PC: variants seen among roughly 807,000 people sequenced by gnomAD.
The protein encoded by PC is pyruvate carboxylase, mitochondrial.
Under a neutral mutation model 107.8 loss-of-function variants are expected in PC, and 46 were observed. The ratio of observed to expected loss-of-function variants is 0.43; its 90% CI spans 0.34 to 0.55. PC has a LOEUF of 0.55. PC is among the 20% of genes least tolerant of loss of function. The pLI is 0.04. For missense variants in PC, 1,241 were observed against 1,643.1 expected (o/e 0.76, Z 4.23); for synonymous variants, 662 against 684.7 (o/e 0.97, Z 0.52).
At chr11:66,897,000 C>T (rs1170569456) in intron 3 of PC, among the ~76,000 whole-genome samples, 1 of 152,074 alleles carries the variant, frequency 6.6e-6, no homozygotes, top group Non-Finnish European at 1.5e-5. Flanking sequence ...GGTGCAATCT[C>T]GGCTCACTGC....
At chr11:66,908,251 AAAG>A (rs1313013909) in intron 3 of PC, among the ~76,000 whole-genome samples, 2 of 152,206 alleles carry the variant, frequency 1.3e-5, no homozygotes, top group South Asian at 4.2e-4. Flanking sequence ...GGAGAAGAAA[AAAG>A]AAGGAGTCTA....
chr11:66,858,491 G>C lies in PC; in HGVS notation c.1369-5108C>G. The C allele has an allele frequency of 6.5e-7, 1 of 1,538,594 alleles. No individual in the cohort carries two copies. Among genetic ancestry groups the C allele is most frequent in the South Asian group, 1.2e-5 (1 of 84,312 alleles). On this transcript the variant is annotated intron_variant, in intron 12 of 22. Transcript: ENST00000393960. The surrounding 1 kb of genome is among the most constrained non-coding windows in gnomAD (Gnocchi z 5.9). ...AGCTGCTGTGGCTGCGGCGGCTGGC[G>C]CGGCCGGACGACCTGGAAACGTGCG...
chr11:66,937,970 G>A (rs1220933962), intron 3 of PC, among the ~76,000 whole-genome samples: 5 of 152,114 alleles, frequency 3.3e-5, no homozygotes, highest in African/African-American at 1.2e-4. Flanking sequence ...TAGAGACGGG[G>A]TTTCACTGTG....
intron 3 of PC, among the ~76,000 whole-genome samples, chr11:66,931,397 A>G (rs1240205159): frequency 6.6e-6 from 1 of 151,590 alleles, no homozygotes; most frequent in Non-Finnish European, 1.5e-5. Flanking sequence ...AAAAAAAAAA[A>G]AAAAAAAAAG....
At chr11:66,953,365 G>A (rs1457637382) in intron 2 of PC, among the ~76,000 whole-genome samples, 1 of 152,138 alleles carries the variant, frequency 6.6e-6, no homozygotes, top group African/African-American at 2.4e-5. Flanking sequence ...CCTGAGATGT[G>A]TACTCTATTT....
chr11:66,930,258 C>G (rs1948815740), intron 3 of PC, among the ~76,000 whole-genome samples: 1 of 152,164 alleles, frequency 6.6e-6, no homozygotes, highest in Admixed American at 6.6e-5. Flanking sequence ...GACTTGCAGT[C>G]CAAAGTTGTA....
At chr11:66,905,071 G>A (rs537777294) in intron 3 of PC, among the ~76,000 whole-genome samples, 79 of 152,224 alleles carry the variant, frequency 5.2e-4, no homozygotes, top group Non-Finnish European at 9.6e-4. Flanking sequence ...AGTGTTTACT[G>A]AGCAACAAAC....
intron 3 of PC, among the ~76,000 whole-genome samples, chr11:66,872,412 C>T (rs1461871525): frequency 5.3e-5 from 8 of 152,204 alleles, no homozygotes; most frequent in African/African-American, 1.9e-4. Flanking sequence ...CCCTATGTTG[C>T]CTAGGCTGGT....
intron 3 of PC, among the ~76,000 whole-genome samples, chr11:66,885,859 A>G (rs889652234): frequency 6.6e-5 from 10 of 152,210 alleles, no homozygotes; most frequent in Non-Finnish European, 1.2e-4. Flanking sequence ...GCACCCTGTG[A>G]TGGCAGCTGT....
At chr11:66,936,115 G>A (rs1799575254) in intron 3 of PC, among the ~76,000 whole-genome samples, 1 of 150,446 alleles carries the variant, frequency 6.6e-6, no homozygotes, top group African/African-American at 2.4e-5. Context: ...GGGTGTGGTG[G>A]CACATGCCTG....
At chr11:66,949,217 C>T (rs1949379644) in intron 3 of PC, among the ~76,000 whole-genome samples, 1 of 151,400 alleles carries the variant, frequency 6.6e-6, no homozygotes, top group Non-Finnish European at 1.5e-5. Context: ...TGGTCTCAAT[C>T]TCTTGACCTC....
At chr11:66,929,263 G>A (rs1053760010) in intron 3 of PC, among the ~76,000 whole-genome samples, 1 of 152,196 alleles carries the variant, frequency 6.6e-6, no homozygotes, top group Non-Finnish European at 1.5e-5. Context: ...TCTCATCGCT[G>A]TGGTGCTGGC....
At position 66,870,399 on chromosome 11, in the gene PC, C is replaced by T. The variant is rs1349343839; in HGVS notation, c.806G>A (p.Arg269Gln). ...AATCTCGACCACCTTCTGGTGCCGC[C>T]GCTGGATGGAGCAGTCTCGCTCGTA... ...HLYERDCSIQ[R>Q]RHQKVVEIAP... Residue 269 changes from arginine (R) to glutamine (Q), a missense_variant, in exon 9 of 23, where the codon CGG (arginine) becomes CAG (glutamine). Physicochemically the swap from Arg to Gln is conservative, Grantham distance 43 (BLOSUM62 1). Around this residue, in one of 2 missense-constraint regions of PC, gnomAD observed 1,143 missense variants for 1,551.9 expected, o/e 0.74. Transcript: ENST00000393960. This position sits in a 1 kb window ranked among gnomAD's most constrained non-coding sequence, Gnocchi z 6.1. 11 of 1,613,776 alleles carry T rather than the reference C, an allele frequency of 6.8e-6. No homozygotes were observed. Among genetic ancestry groups the T allele is most frequent in the South Asian group, 1.1e-5 (1 of 91,082 alleles).
rs2135781073 is a variant in PC, at chr11:66,848,762, C to G, written c.*137G>C. On this transcript the variant is annotated 3_prime_UTR_variant, in exon 23 of 23. Coordinates refer to ENST00000393960, the MANE Select transcript of PC (RefSeq NM_001040716.2). The stretch of plus-strand genomic sequence containing the variant: ...AGGAATGAACCACCGCAGGCGGTGT[C>G]TCTCCTGTCCAGCTGTGGACAGGAC... 4 of 1,045,654 alleles carry G rather than the reference C, an allele frequency of 3.8e-6. No homozygotes were observed. The highest frequency in any genetic ancestry group is 5.8e-6 in the Non-Finnish European group (4 of 688,904). 64.8% of individuals were successfully genotyped at this position (1,045,654 alleles called of 1,614,324 possible).
chr11:66,882,046 G>A (rs980196139), intron 3 of PC, among the ~76,000 whole-genome samples: 5 of 152,214 alleles, frequency 3.3e-5, no homozygotes, highest in African/African-American at 1.2e-4. Flanking sequence ...GCTTCCCAAC[G>A]AGAGCTGACG....
At chr11:66,937,652 A>G (rs754550851) in intron 3 of PC, among the ~76,000 whole-genome samples, 27 of 152,080 alleles carry the variant, frequency 1.8e-4, no homozygotes, top group Admixed American at 5.2e-4. Flanking sequence ...TTAGCCTGAA[A>G]AATCTCAAGG....
intron 3 of PC, among the ~76,000 whole-genome samples, chr11:66,948,852 TAAAC>T (rs969748290): frequency 3.3e-5 from 5 of 151,676 alleles, no homozygotes; most frequent in African/African-American, 7.3e-5. Context: ...TAAACAAAAA[TAAAC>T]AAACAAAACA....
chr11:66,914,917 C>T (rs1948430195), intron 3 of PC, among the ~76,000 whole-genome samples: 1 of 152,154 alleles, frequency 6.6e-6, no homozygotes, highest in Non-Finnish European at 1.5e-5. Context: ...ATGATCCCAG[C>T]TACTCCAGAG....
At chr11:66,909,860 G>A (rs1488013012) in intron 3 of PC, among the ~76,000 whole-genome samples, 3 of 152,110 alleles carry the variant, frequency 2.0e-5, no homozygotes, top group Non-Finnish European at 1.5e-5. Flanking sequence ...CCAGGACACG[G>A]GCCATTGTAT....
Sources: allele counts gnomAD v4.1 joint callset (sites outside exome capture counted in the v4.1 genomes callset), GRCh38; gene constraint gnomAD v4.1.1; regional missense constraint gnomAD v4.1.1; non-coding constraint Gnocchi (gnomAD v3.1); transcripts MANE v1.5; gene names NCBI Gene and HGNC (gene_info 2026-07-23, HGNC 2026-07-21).